Variants in GALNTL6 observed in about 807,000 individuals in gnomAD.
GALNTL6 encodes the protein polypeptide N-acetylgalactosaminyltransferase like 6.
In GALNTL6, 46 loss-of-function variants were observed where a neutral mutation model predicts 73.7. That is an observed-to-expected ratio of 0.62 (90% CI 0.49 to 0.80). GALNTL6 has a LOEUF of 0.80. Among genes scored for constraint, GALNTL6 ranks in the 30% least tolerant of loss-of-function variants. The probability of loss-of-function intolerance (pLI) is 0.00; values close to 1 mark genes in which losing one functional copy is unlikely to be tolerated. For synonymous variants in GALNTL6, 259 were observed against 263.7 expected, an observed-to-expected ratio of 0.98 and a Z score of 0.17; for missense variants, 604 against 755.0, an observed-to-expected ratio of 0.80 and a Z score of 2.34.
chr4:172,989,432 A>G (rs1751446973), intron 10 of GALNTL6, among the ~76,000 whole-genome samples: 1 of 152,162 alleles, frequency 6.6e-6, no homozygotes, highest in Non-Finnish European at 1.5e-5. Flanking sequence ...ATATTTTGCA[A>G]TGTGAGAAGG....
chr4:172,814,863 T>C (rs1453934446), intron 7 of GALNTL6, among the ~76,000 whole-genome samples: 1 of 152,176 alleles, frequency 6.6e-6, no homozygotes, highest in African/African-American at 2.4e-5. Flanking sequence ...TCGTTTCTTT[T>C]GTAAAATGAA....
intron 8 of GALNTL6, among the ~76,000 whole-genome samples, chr4:172,901,414 A>G (rs909498228): frequency 6.6e-6 from 1 of 152,184 alleles, no homozygotes. Flanking sequence ...AACATTTTTC[A>G]TCAATTGTGA....
intron 5 of GALNTL6, among the ~76,000 whole-genome samples, chr4:172,766,050 A>G (rs1177119975): frequency 6.6e-6 from 1 of 152,182 alleles, no homozygotes; most frequent in Non-Finnish European, 1.5e-5. Context: ...CAAATATAAC[A>G]TGATAGCAGA....
intron 3 of GALNTL6, among the ~76,000 whole-genome samples, chr4:172,242,977 T>A (rs1737500093): frequency 6.6e-6 from 1 of 152,202 alleles, no homozygotes; most frequent in South Asian, 2.1e-4. Context: ...ATCATTTCAC[T>A]CCTCTGCTCA....
chr4:172,354,822 G>T (rs367819609), intron 5 of GALNTL6, among the ~76,000 whole-genome samples: 2 of 152,034 alleles, frequency 1.3e-5, no homozygotes, highest in South Asian at 4.1e-4. Context: ...AGAAACAACA[G>T]AATTTATCTG....
chr4:172,648,567 C>T (rs1318046215), intron 5 of GALNTL6, among the ~76,000 whole-genome samples: 2 of 152,026 alleles, frequency 1.3e-5, no homozygotes, highest in Non-Finnish European at 2.9e-5. Flanking sequence ...ATGGAAGAAA[C>T]ACGATTCAAA....
chr4:172,402,736 A>G (rs1391843644), intron 5 of GALNTL6, among the ~76,000 whole-genome samples: 1 of 152,092 alleles, frequency 6.6e-6, no homozygotes, highest in Non-Finnish European at 1.5e-5. Context: ...ACAAAACAAA[A>G]GGAACACATT....
intron 2 of GALNTL6, among the ~76,000 whole-genome samples, chr4:171,932,895 C>T (rs191955223): frequency 6.6e-6 from 1 of 152,248 alleles, no homozygotes; most frequent in African/African-American, 2.4e-5. Context: ...TGCTGGCATC[C>T]ATATTCAATA....
intron 4 of GALNTL6, among the ~76,000 whole-genome samples, chr4:172,347,301 G>A (rs1017983647): frequency 6.6e-6 from 1 of 151,964 alleles, no homozygotes; most frequent in African/African-American, 2.4e-5. Flanking sequence ...CTATTGATGG[G>A]TTATAGGATA....
At chr4:171,927,051 A>C (rs1738007732) in intron 2 of GALNTL6, among the ~76,000 whole-genome samples, 2 of 151,732 alleles carry the variant, frequency 1.3e-5, no homozygotes, top group Non-Finnish European at 2.9e-5. Flanking sequence ...TTGAGTGTTA[A>C]GGGGTGGTGA....
intron 7 of GALNTL6, among the ~76,000 whole-genome samples, chr4:172,862,691 C>A (rs900426090): frequency 1.3e-5 from 2 of 148,356 alleles, no homozygotes; most frequent in Non-Finnish European, 3.0e-5. Flanking sequence ...CAGAGTGAGA[C>A]TTCATCTCAA....
intron 2 of GALNTL6, among the ~76,000 whole-genome samples, chr4:172,174,622 T>C (rs1734935005): frequency 6.6e-6 from 1 of 152,292 alleles, no homozygotes; most frequent in Admixed American, 6.5e-5. Flanking sequence ...GATAAGACAT[T>C]ACTCAAAGCA....
At chr4:172,798,667 G>A (rs1043850911) in intron 5 of GALNTL6, among the ~76,000 whole-genome samples, 1 of 152,060 alleles carries the variant, frequency 6.6e-6, no homozygotes, top group Non-Finnish European at 1.5e-5. Context: ...CTCCCAAAAG[G>A]TTACTTATCC....
At chr4:172,002,553 A>T (rs182770400) in intron 2 of GALNTL6, among the ~76,000 whole-genome samples, 26 of 152,212 alleles carry the variant, frequency 1.7e-4, no homozygotes, top group Middle Eastern at 6.8e-3. Flanking sequence ...AATGATCTGT[A>T]ATACTAACTA....
chr4:172,777,007 G>C (rs1312980671), intron 5 of GALNTL6, among the ~76,000 whole-genome samples: 1 of 152,070 alleles, frequency 6.6e-6, no homozygotes, highest in Non-Finnish European at 1.5e-5. Flanking sequence ...GTTCCCCCAA[G>C]CTAATTAATC....
At chr4:172,097,324 A>G (rs1732383912) in intron 2 of GALNTL6, among the ~76,000 whole-genome samples, 1 of 152,186 alleles carries the variant, frequency 6.6e-6, no homozygotes, top group South Asian at 2.1e-4. Context: ...GGGGCTTTTC[A>G]TATGTTAGAA....
At chr4:172,174,356 G>T (rs1734926254) in intron 2 of GALNTL6, among the ~76,000 whole-genome samples, 1 of 152,186 alleles carries the variant, frequency 6.6e-6, no homozygotes, top group South Asian at 2.1e-4. Flanking sequence ...CTGCCTTAGT[G>T]AAGTATAGAT....
chr4:172,775,708 T>G (rs1029294681), intron 5 of GALNTL6, among the ~76,000 whole-genome samples: 1 of 152,190 alleles, frequency 6.6e-6, no homozygotes, highest in Non-Finnish European at 1.5e-5. Context: ...TGAATGCAGG[T>G]AGAGCCTGTG....
chr4:172,574,839 A>G (rs1057101078), intron 5 of GALNTL6, among the ~76,000 whole-genome samples: 3 of 152,080 alleles, frequency 2.0e-5, no homozygotes, highest in Non-Finnish European at 4.4e-5. Context: ...TTCTGGTTTT[A>G]CTACTTTGCA....
Sources: allele counts gnomAD v4.1 joint callset (sites outside exome capture counted in the v4.1 genomes callset), GRCh38; gene constraint gnomAD v4.1.1; transcripts MANE v1.5; gene names NCBI Gene and HGNC (gene_info 2026-07-23, HGNC 2026-07-21).